TDRD3: variants seen among roughly 807,000 people sequenced by gnomAD.
TDRD3 encodes tudor domain-containing protein 3.
TDRD3 carries 45 observed loss-of-function variants against 86.7 expected under a neutral mutation model. That is an observed-to-expected ratio of 0.52 (90% CI 0.41 to 0.67). The LOEUF (loss-of-function observed/expected upper bound fraction) is 0.67, where lower values mean the gene tolerates loss of function less well. Ranked by LOEUF, TDRD3 falls within the 30% of genes least tolerant of loss-of-function variation. TDRD3 has a pLI of 0.00. For synonymous variants in TDRD3, 298 were observed against 301.7 expected (o/e 0.99, Z 0.13); for missense variants, 814 against 889.0 (o/e 0.92, Z 1.07).
chr13:60,494,275 T>C (rs1455138545), intron 7 of TDRD3, among the ~76,000 whole-genome samples, 160 bp from the exon 8 acceptor site: 2 of 152,226 alleles, frequency 1.3e-5, no homozygotes, highest in African/African-American at 4.8e-5. Flanking sequence ...CTAGTAGATA[T>C]TTTTGCTATT....
chr13:60,497,982 C>A (rs1005248024), intron 8 of TDRD3, among the ~76,000 whole-genome samples: 7 of 150,930 alleles, frequency 4.6e-5, no homozygotes, highest in Admixed American at 4.6e-4. Context: ...TATTGCAGCT[C>A]GGGGGGTTAA....
intron 4 of TDRD3, among the ~76,000 whole-genome samples, chr13:60,462,842 GTAT>G (rs1955829977): frequency 6.6e-6 from 1 of 152,078 alleles, no homozygotes; most frequent in South Asian, 2.1e-4. Context: ...AAAGCTGGAG[GTAT>G]CACGTTACTT....
chr13:60,424,858 T>A (rs1954763259), intron 1 of TDRD3, among the ~76,000 whole-genome samples: 1 of 152,210 alleles, frequency 6.6e-6, no homozygotes, highest in Non-Finnish European at 1.5e-5. Context: ...TTTTTTTATA[T>A]GACGTTTCAT....
rs192300647 is a variant in TDRD3 at position 60,518,897 on chromosome 13, G to A, written c.1141+8142G>A. On this transcript the variant is annotated intron_variant, in intron 10 of 13. Coordinates refer to ENST00000377881, the MANE Select transcript of TDRD3 (RefSeq NM_001146070.2). Reference sequence around the variant, plus strand: ...GTTTTATTAGAATATTATTAGGGGCGTTTCTAAATTCAGATGATCCTAATA... The same window carrying A: ...GTTTTATTAGAATATTATTAGGGGCATTTCTAAATTCAGATGATCCTAATA... Among the ~76,000 whole-genome samples, 298 of 152,154 alleles carry A rather than the reference G, an allele frequency of 2.0e-3. 2 individuals carry two copies. Among genetic ancestry groups the A allele is most frequent in the Middle Eastern group, 3.4e-3 (1 of 294 alleles).
intron 8 of TDRD3, among the ~76,000 whole-genome samples, chr13:60,497,214 TAAC>T (rs1566244566): frequency 6.6e-6 from 1 of 152,194 alleles, no homozygotes; most frequent in East Asian, 1.9e-4. Flanking sequence ...GCTTGAGTCT[TAAC>T]AAACATGGAC....
Position 60,483,803 on chromosome 13 carries a change from T to C in TDRD3, c.524T>C (p.Ile175Thr), listed in dbSNP as rs573483141. 1.2e-6 allele frequency: 2 copies of C among 1,613,548 alleles called. No homozygotes were observed. The highest frequency in any genetic ancestry group is 1.3e-5 in the African/African-American group (1 of 75,018). Residue 175 changes from isoleucine (I) to threonine (T), a missense_variant, in exon 6 of 14, where the codon ATT (isoleucine) becomes ACT (threonine). Ile to Thr is a moderately conservative substitution (Grantham distance 89). Transcript: ENST00000377881. ...RSLSKHNRSN[I>T]GTEGGPPPFV... ...TTATCAAAACACAATAGAAGCAATA[T>C]TGGAACTGAAGGTGGACCACCGCCT... is the stretch of plus-strand genomic sequence containing the variant.
chr13:60,485,013 A>G (rs1477354364), intron 6 of TDRD3, among the ~76,000 whole-genome samples: 1 of 152,090 alleles, frequency 6.6e-6, no homozygotes, highest in Non-Finnish European at 1.5e-5. Flanking sequence ...GTTCATTCTG[A>G]AAAAATTCTT....
At chr13:60,419,574 T>TG (rs1240730991) in intron 1 of TDRD3, among the ~76,000 whole-genome samples, 1 of 151,570 alleles carries the variant, frequency 6.6e-6, no homozygotes, top group Non-Finnish European at 1.5e-5. Context: ...AGGTGGGAGT[T>TG]GAACAGTGAG....
At chr13:60,398,128 G>T (rs772416493) in intron 1 of TDRD3, among the ~76,000 whole-genome samples, 9 of 152,200 alleles carry the variant, frequency 5.9e-5, no homozygotes, top group Non-Finnish European at 1.2e-4. Context: ...GCGAAATTAG[G>T]CAGTTTCTGG....
intron 7 of TDRD3, among the ~76,000 whole-genome samples, chr13:60,486,974 G>A (rs1956453295): frequency 6.6e-6 from 1 of 152,002 alleles, no homozygotes; most frequent in Non-Finnish European, 1.5e-5. Flanking sequence ...ATTATGTGTA[G>A]ACAGTCAGCT....
At chr13:60,437,710 A>G (rs922463226) in intron 1 of TDRD3, among the ~76,000 whole-genome samples, 2 of 151,990 alleles carry the variant, frequency 1.3e-5, no homozygotes, top group Non-Finnish European at 2.9e-5. Context: ...AGAAAACAAA[A>G]TATTCTATTA....
intron 3 of TDRD3, among the ~76,000 whole-genome samples, chr13:60,452,815 G>GT (rs34514318): frequency 7.2e-4 from 104 of 144,716 alleles, no homozygotes; most frequent in Middle Eastern, 3.6e-3. Context: ...ACTGTTCTTA[G>GT]TTTTTTTTTT....
At chr13:60,445,913 A>G (rs1594942311) in intron 3 of TDRD3, among the ~76,000 whole-genome samples, 1 of 152,222 alleles carries the variant, frequency 6.6e-6, no homozygotes, top group East Asian at 1.9e-4. Flanking sequence ...GAATAGTAGT[A>G]CAGAGATTCT....
chr13:60,433,745 C>T (rs1259329368), intron 1 of TDRD3, among the ~76,000 whole-genome samples: 1 of 152,234 alleles, frequency 6.6e-6, no homozygotes, highest in African/African-American at 2.4e-5. Flanking sequence ...GACGCAGTAA[C>T]TGCTTTACTA....
chr13:60,486,655 A>G (rs527397330), intron 7 of TDRD3, among the ~76,000 whole-genome samples: 2 of 152,312 alleles, frequency 1.3e-5, no homozygotes, highest in African/African-American at 4.8e-5. Context: ...GAAATATACA[A>G]TAAATTATTG....
chr13:60,490,489 T>G (rs2137539365), intron 7 of TDRD3, among the ~76,000 whole-genome samples: 1 of 152,262 alleles, frequency 6.6e-6, no homozygotes. Context: ...GGTTACCTTA[T>G]GTAGGGCCCT....
rs1209031036 is a variant in TDRD3 at position 60,443,934 on chromosome 13, C to A, written c.127-749C>A. 2.0e-5 allele frequency among the ~76,000 whole-genome samples: 3 copies of A among 151,982 alleles called. No homozygotes were observed. In the East Asian group the frequency reaches 5.8e-4, roughly 29 times the overall value. On this transcript the variant is annotated intron_variant, in intron 2 of 13. Coordinates refer to ENST00000377881, the MANE Select transcript of TDRD3 (RefSeq NM_001146070.2). Reference sequence around the variant, plus strand: ...AGTTTTCCTGTGAACAAATCTCTTACCATTCCTTTATATTTTCACTTTCTA... The same window carrying A: ...AGTTTTCCTGTGAACAAATCTCTTAACATTCCTTTATATTTTCACTTTCTA...
intron 5 of TDRD3, among the ~76,000 whole-genome samples, chr13:60,480,514 T>A (rs973247073): frequency 2.6e-5 from 4 of 152,220 alleles, no homozygotes; most frequent in Admixed American, 2.6e-4. Flanking sequence ...TTTGAATTTC[T>A]TCAGTTTGCA....
chr13:60,461,256 C>G (rs536543491), intron 4 of TDRD3, among the ~76,000 whole-genome samples: 1 of 152,106 alleles, frequency 6.6e-6, no homozygotes, highest in African/African-American at 2.4e-5. Context: ...ATAAATTTTC[C>G]TAGGAAATGA....
Sources: gnomAD v4.1 joint callset for allele counts (sites outside exome capture counted in the v4.1 genomes callset) on GRCh38, gnomAD v4.1.1 for gene constraint, MANE v1.5 for transcripts, NCBI Gene and HGNC (gene_info 2026-07-23, HGNC 2026-07-21) for gene names.